Variants in MIGA1 observed in about 807,000 individuals in gnomAD.
The protein encoded by MIGA1 is mitoguardin 1, also known as family with sequence similarity 73, member A.
A neutral mutation model predicts 82.0 loss-of-function variants in MIGA1; 58 were observed. The ratio of observed to expected loss-of-function variants is 0.71; its 90% confidence interval spans 0.57 to 0.88. The LOEUF is 0.88. Among genes scored for constraint, MIGA1 ranks in the 40% least tolerant of loss-of-function variants. The pLI is 0.00. For synonymous variants in MIGA1, 249 were observed against 253.6 expected (o/e 0.98, Z 0.17); for missense variants, 751 against 749.1 (o/e 1.00, Z -0.03).
In MIGA1 at chr1:77,787,142, G is replaced by A. The variant is rs551022921; in HGVS notation, c.195+3791G>A. Among the ~76,000 whole-genome samples the A allele has an allele frequency of 9.2e-5, 14 of 152,226 alleles. No homozygotes were observed. The East Asian group carries it at 9.7e-4, about 10-fold the overall frequency. The stretch of plus-strand genomic sequence containing the variant: ...CCATCAGATCTCGTGAGACTTATGC[G>A]CTGTCATGAGAACAGCAAGGGAAGG... On this transcript the variant is annotated intron_variant, in intron 2 of 15. Transcript: ENST00000370791.
At chr1:77,864,089 A>C in intron 13 of MIGA1, 61 bp downstream of exon 13, 1 of 1,555,630 alleles carries the variant, frequency 6.4e-7, no homozygotes. Flanking sequence ...GGCTGGGCGC[A>C]GTAGCTCACG....
rs545504928 is a variant in MIGA1 at position 77,823,783 on chromosome 1, C to A, written c.895+8552C>A. On this transcript the variant is annotated intron_variant, in intron 7 of 15. Coordinates refer to ENST00000370791, the MANE Select transcript of MIGA1 (RefSeq NM_198549.4). ...GTCTCACTTTGTTGTCTAGGCTGGA[C>A]AAAATTTTTAAAAAGTTCTTTAAAG... Among the ~76,000 whole-genome samples, 270 of 152,200 alleles carry A rather than the reference C, an allele frequency of 1.8e-3. 1 individual carries two copies. Among genetic ancestry groups the A allele is most frequent in the African/African-American group, 6.2e-3 (256 of 41,542 alleles).
At chr1:77,856,778 T>C (rs1477938372) in intron 8 of MIGA1, among the ~76,000 whole-genome samples, 1 of 152,210 alleles carries the variant, frequency 6.6e-6, no homozygotes, top group Non-Finnish European at 1.5e-5. Flanking sequence ...TTTTCTTGGT[T>C]AATCTTGCTA....
At chr1:77,848,638 G>C (rs866487180) in intron 8 of MIGA1, 1 of 1,561,154 alleles carries the variant, frequency 6.4e-7, no homozygotes, top group Middle Eastern at 1.7e-4. Context: ...CAGACTCACA[G>C]AAAGGCAAGA....
At chr1:77,848,671 C>T (rs1684932939) in intron 8 of MIGA1, 1 of 1,576,014 alleles carries the variant, frequency 6.3e-7, no homozygotes, top group Non-Finnish European at 8.7e-7. Flanking sequence ...ACAAGAGAGA[C>T]CACCTGAGGC....
intron 9 of MIGA1, 77 bp from the exon 10 acceptor site, chr1:77,859,237 C>T: frequency 8.1e-7 from 1 of 1,229,664 alleles, no homozygotes; most frequent in Non-Finnish European, 1.2e-6. Flanking sequence ...TGAGGTTAAG[C>T]CTTGTTTGAA....
chr1:77,810,801 C>T, intron 5 of MIGA1: 2 of 1,555,034 alleles, frequency 1.3e-6, no homozygotes, highest in South Asian at 2.3e-5. Flanking sequence ...CTACACAGAG[C>T]TATGATGGTT....
intron 8 of MIGA1, among the ~76,000 whole-genome samples, chr1:77,844,129 TATATATATAGATAGATAG>T (rs1684742094): frequency 8.5e-6 from 1 of 117,434 alleles, no homozygotes; most frequent in African/African-American, 4.2e-5. Context: ...TATATATATA[TATATATATAGATAGATAG>T]ATAGATAGAT....
chr1:77,822,835 G>GTTTT (rs752488187), intron 7 of MIGA1, among the ~76,000 whole-genome samples: 6 of 109,358 alleles, frequency 5.5e-5, no homozygotes, highest in Non-Finnish European at 9.4e-5. Flanking sequence ...CTTTCAGCAT[G>GTTTT]TTTTTTTTTT....
intron 7 of MIGA1, among the ~76,000 whole-genome samples, chr1:77,815,933 T>C (rs1683554765): frequency 6.6e-6 from 1 of 151,060 alleles, no homozygotes; most frequent in Non-Finnish European, 1.5e-5. Context: ...AGATGAGGTT[T>C]TTCTTTTTTT....
At chr1:77,870,176 A>C (rs369407150) in intron 14 of MIGA1, among the ~76,000 whole-genome samples, 400 of 59,076 alleles carry the variant, frequency 6.8e-3, no homozygotes, top group East Asian at 0.013. Flanking sequence ...CGGGCAGAGG[A>C]GCCCCTCACC....
chr1:77,837,089 G>A (rs1249761412), intron 7 of MIGA1, among the ~76,000 whole-genome samples: 1 of 152,132 alleles, frequency 6.6e-6, no homozygotes, highest in East Asian at 1.9e-4. Flanking sequence ...TCTTTGCACT[G>A]TAGTGAAAAT....
intron 8 of MIGA1, among the ~76,000 whole-genome samples, chr1:77,858,668 G>T (rs1685350677): frequency 6.6e-6 from 1 of 152,126 alleles, no homozygotes; most frequent in Non-Finnish European, 1.5e-5. Flanking sequence ...AGCTAGGCTG[G>T]AGTGCAGTGA....
Position 77,876,014 on chromosome 1 carries a change from T to A in MIGA1, c.*950T>A, listed in dbSNP as rs1195387172. On this transcript the variant is annotated 3_prime_UTR_variant, in exon 16 of 16. Coordinates refer to ENST00000370791, the MANE Select transcript of MIGA1 (RefSeq NM_198549.4). ...CAGGTGTGGTGGCGGGCGCCTGTAG[T>A]CCCAGCTACTCGGGAGGCTGACACA... 1.3e-5 allele frequency: 2 copies of A among 152,242 alleles called. No homozygotes were observed. Among genetic ancestry groups the A allele is most frequent in the African/African-American group, 4.8e-5 (2 of 41,380 alleles). The allele number at this position is 152,242 out of a possible 1,614,324, so 9.4% of individuals were successfully genotyped here.
chr1:77,857,734 T>G lies in MIGA1; in HGVS notation c.997-1204T>G, dbSNP rs191540118. On this transcript the variant is annotated intron_variant, in intron 8 of 15. Transcript: ENST00000370791. ...AAGTTTTCTGGGTTGTTGTTTTTTT[T>G]TTTTTTTTTGCTTAGCTGGCTACTC... Among the ~76,000 whole-genome samples, 60 of 150,010 alleles carry G rather than the reference T, an allele frequency of 4.0e-4. 1 individual carries two copies. The highest frequency in any genetic ancestry group is 1.3e-3 in the Admixed American group (19 of 15,078).
At chr1:77,788,016 T>C (rs1682246802) in intron 2 of MIGA1, among the ~76,000 whole-genome samples, 1 of 151,820 alleles carries the variant, frequency 6.6e-6, no homozygotes, top group Non-Finnish European at 1.5e-5. Flanking sequence ...AGACAGAGTC[T>C]CGCTTCTTCA....
intron 1 of MIGA1, among the ~76,000 whole-genome samples, chr1:77,782,553 C>G (rs1681969035): frequency 6.6e-6 from 1 of 152,134 alleles, no homozygotes; most frequent in South Asian, 2.1e-4. Context: ...ACGTTTCTGG[C>G]TCTATAAAGC....
chr1:77,846,380 A>C (rs1684841363), intron 8 of MIGA1, among the ~76,000 whole-genome samples: 1 of 152,154 alleles, frequency 6.6e-6, no homozygotes, highest in South Asian at 2.1e-4. Context: ...AGAAACTAAT[A>C]TTGCAGAGAG....
chr1:77,871,504 A>T (rs1159772042), intron 14 of MIGA1, among the ~76,000 whole-genome samples: 1 of 147,952 alleles, frequency 6.8e-6, no homozygotes, highest in Non-Finnish European at 1.5e-5. Context: ...TCCGTCTCAG[A>T]AAAAAAAAAA....
Sources: allele counts gnomAD v4.1 joint callset (sites outside exome capture counted in the v4.1 genomes callset), GRCh38; gene constraint gnomAD v4.1.1; transcripts MANE v1.5; gene names NCBI Gene and HGNC (gene_info 2026-07-23, HGNC 2026-07-21).